The following RIC3 variants were observed in gnomAD, a reference collection of about 807,000 sequenced individuals.
RIC3 encodes RIC3 acetylcholine receptor chaperone, also known as protein RIC-3.
A neutral mutation model predicts 27.3 loss-of-function variants in RIC3; 28 were observed. The ratio of observed to expected loss-of-function variants is 1.02; its 90% CI spans 0.76 to 1.41. RIC3 has a LOEUF of 1.41. Among genes scored for constraint, RIC3 ranks in the 40% most tolerant of loss-of-function variants. The pLI, the probability that RIC3 is intolerant of heterozygous loss-of-function variation, is 0.00. For missense variants in RIC3, 501 were observed against 444.7 expected, an observed-to-expected ratio of 1.13 and a Z score of -1.14; for synonymous variants, 184 against 160.4, an observed-to-expected ratio of 1.15 and a Z score of -1.11.
chr11:8,097,824 G>A, the RIC3 span: 3 of 1,612,820 alleles, frequency 1.9e-6, no homozygotes, highest in Non-Finnish European at 2.5e-6. Flanking sequence ...TCGGGAAACT[G>A]CGGTACTAGC....
intron 1 of RIC3, among the ~76,000 whole-genome samples, chr11:8,145,878 T>A: frequency 6.6e-6 from 1 of 152,130 alleles, no homozygotes; most frequent in East Asian, 1.9e-4. Flanking sequence ...AATTGTTGGA[T>A]TTGACTTGAA....
At chr11:8,124,195 A>C (rs909571319) in intron 5 of RIC3, among the ~76,000 whole-genome samples, 2 of 152,184 alleles carry the variant, frequency 1.3e-5, no homozygotes, top group South Asian at 2.1e-4. Flanking sequence ...TTATGGAATA[A>C]ATAACAGTAA....
At chr11:8,104,120 G>C (rs1175653135), downstream of RIC3, 2 of 152,274 alleles carry the variant, frequency 1.3e-5, no homozygotes, top group African/African-American at 4.8e-5. Context: ...AAAGCTGCTA[G>C]GGCCCCTAGA....
At chr11:8,141,941 A>C (rs1949122896) in intron 1 of RIC3, among the ~76,000 whole-genome samples, 1 of 152,008 alleles carries the variant, frequency 6.6e-6, no homozygotes, top group Non-Finnish European at 1.5e-5. Context: ...ATACATAACG[A>C]AACGAAGGCA....
In RIC3 at chr11:8,110,782, A is replaced by C. The variant is rs1291656097; in HGVS notation, c.1026T>G (p.Phe342Leu). Residue 342 changes from phenylalanine to leucine, a missense_variant, in exon 6 of 6, where the codon TTT becomes TTG. Physicochemically the swap from Phe to Leu is conservative, Grantham distance 22. Coordinates refer to ENST00000309737, the MANE Select transcript of RIC3 (RefSeq NM_001206671.4). Reference protein sequence around the residue: ...ETTKEEWSQDFKDEGLGISTD... With the variant: ...ETTKEEWSQDLKDEGLGISTD... ...TGCTGATGCCCAACCCTTCATCTTTAAAGTCTTGGGACCACTCTTCTTTGG... is the reference window on the plus strand; with the variant it reads ...TGCTGATGCCCAACCCTTCATCTTTCAAGTCTTGGGACCACTCTTCTTTGG... The C allele has an allele frequency of 1.2e-6, 2 of 1,614,036 alleles. No individual in the cohort carries two copies. Among genetic ancestry groups the C allele is most frequent in the Non-Finnish European group, 1.7e-6 (2 of 1,180,016 alleles).
At chr11:8,099,401 CA>C in the RIC3 span, among the ~76,000 whole-genome samples, 2 of 152,074 alleles carry the variant, frequency 1.3e-5, no homozygotes, top group African/African-American at 4.8e-5. Context: ...TTTTTAAAAT[CA>C]GGGGTGGGTA....
Position 8,117,564 on chromosome 11 carries a change from G to A in RIC3, c.671-6427C>T, listed in dbSNP as rs117200261. ...AGCTAGGGGGATCAGGGAAATGCTA[G>A]TCAAAGGACATAAAATTTCAGCTGG... On this transcript the variant is annotated intron_variant, in intron 5 of 5. Transcript: ENST00000309737. Among the ~76,000 whole-genome samples, 828 of 152,270 alleles carry A rather than the reference G, an allele frequency of 5.4e-3. 4 individuals carry two copies. Among genetic ancestry groups the A allele is most frequent in the Non-Finnish European group, 9.6e-3 (652 of 68,030 alleles).
intron 1 of RIC3, among the ~76,000 whole-genome samples, chr11:8,162,338 A>G (rs982305280): frequency 3.3e-5 from 5 of 152,242 alleles, no homozygotes; most frequent in Non-Finnish European, 7.3e-5. Flanking sequence ...GGTGAACCCA[A>G]TGACAATGAC....
intron 5 of RIC3, among the ~76,000 whole-genome samples, chr11:8,122,864 CAAAAAAAAAAAAA>C (rs55826618): frequency 1.1e-3 from 70 of 63,536 alleles, no homozygotes; most frequent in African/African-American, 3.8e-3. Flanking sequence ...ACCAGGTATG[CAAAAAAAAAAAAA>C]AAAAAAAAAG....
chr11:8,126,136 A>T (rs1187000322), intron 5 of RIC3, among the ~76,000 whole-genome samples: 1 of 152,202 alleles, frequency 6.6e-6, no homozygotes, highest in Admixed American at 6.5e-5. Context: ...TCAAACAAAG[A>T]CTCATATGCA....
rs759683226 is a variant in RIC3, at chr11:8,140,186, C to G, written c.132G>C (p.Leu44Phe). 1 of 1,610,212 alleles carries G rather than the reference C, an allele frequency of 6.2e-7. No individual in the cohort carries two copies. The highest frequency in any genetic ancestry group is 8.5e-7 in the Non-Finnish European group (1 of 1,178,596). ...QEPPPTPEGK[L>F]GRFPPMMHHH... ...GATGCATCATAGGTGGAAATCGGCC[C>G]AATTTTCCTGAGAAAATAATAATCA... Residue 44 changes from leucine (L) to phenylalanine (F), a missense_variant, in exon 2 of 6, where the codon TTG becomes TTC. Leu to Phe is a conservative substitution (Grantham distance 22). Coordinates refer to ENST00000309737, the MANE Select transcript of RIC3 (RefSeq NM_001206671.4).
chr11:8,100,332 G>T, the RIC3 span, among the ~76,000 whole-genome samples: 171 of 152,232 alleles, frequency 1.1e-3, 1 homozygote, highest in Non-Finnish European at 1.8e-3. Flanking sequence ...GTTCTGGCAG[G>T]GTAGAGACCC....
At chr11:8,157,172 T>C (rs910899159) in intron 1 of RIC3, among the ~76,000 whole-genome samples, 1 of 152,206 alleles carries the variant, frequency 6.6e-6, no homozygotes, top group African/African-American at 2.4e-5. Context: ...CTCAGTAATC[T>C]GTCTGAACAC....
At chr11:8,128,177 C>T (rs1171911883) in intron 4 of RIC3, 3 of 457,040 alleles carry the variant, frequency 6.6e-6, no homozygotes, top group African/African-American at 2.0e-5. Flanking sequence ...TTAAAACAAC[C>T]CACTTTGTGT....
chr11:8,137,745 C>T (rs1446131255), intron 3 of RIC3, among the ~76,000 whole-genome samples: 3 of 145,576 alleles, frequency 2.1e-5, no homozygotes, highest in Non-Finnish European at 1.5e-5. Flanking sequence ...AATGCTTTTG[C>T]CAAGTCTCTT....
At chr11:8,117,689 T>C (rs1175971769) in intron 5 of RIC3, among the ~76,000 whole-genome samples, 1 of 152,190 alleles carries the variant, frequency 6.6e-6, no homozygotes, top group Admixed American at 6.5e-5. Context: ...CAGAGTACAT[T>C]TTAAGTGTTC....
At chr11:8,097,984 C>G in the RIC3 span, among the ~76,000 whole-genome samples, 1 of 152,170 alleles carries the variant, frequency 6.6e-6, no homozygotes, top group African/African-American at 2.4e-5. Context: ...AGGCCTATGT[C>G]TATGCCAGCC....
chr11:8,135,816 T>G (rs979903960), intron 4 of RIC3: 1 of 152,012 alleles, frequency 6.6e-6, no homozygotes, highest in African/African-American at 2.4e-5. Context: ...ATAGCCTGGG[T>G]AGTTCTCCAC....
At chr11:8,167,189 G>A (rs759529635) in intron 1 of RIC3, among the ~76,000 whole-genome samples, 5 of 152,094 alleles carry the variant, frequency 3.3e-5, no homozygotes, top group African/African-American at 4.8e-5. Flanking sequence ...AGGTACTGAA[G>A]AAACAGTGGT....
Sources: allele counts gnomAD v4.1 joint callset (sites outside exome capture counted in the v4.1 genomes callset), GRCh38; gene constraint gnomAD v4.1.1; transcripts MANE v1.5; gene names NCBI Gene and HGNC (gene_info 2026-07-23, HGNC 2026-07-21).